NTM: variants seen among roughly 807,000 people sequenced by gnomAD.
The protein encoded by NTM is neurotrimin.
Under a neutral mutation model 42.1 loss-of-function variants are expected in NTM, and 13 were observed. The ratio of observed to expected loss-of-function variants is 0.31; its 90% CI spans 0.20 to 0.49. The LOEUF is 0.49. NTM is among the 20% of genes least tolerant of loss of function. NTM has a pLI of 0.99. For missense variants in NTM, 373 were observed against 452.8 expected (o/e 0.82, Z 1.60); for synonymous variants, 187 against 179.2 (o/e 1.04, Z -0.35).
chr11:131,616,778 G>GGTGTGTGT lies in NTM; in HGVS notation c.82+245917_82+245924dup, dbSNP rs59890572. Reference sequence around the variant, plus strand: ...TTTTACAAGCACACTGTCTTGAGGGGGTGTGTGTGTGTGTGTGTGTGTGTG... The same window carrying GGTGTGTGT: ...TTTTACAAGCACACTGTCTTGAGGGGGTGTGTGTGTGTGTGTGTGTGTGTGTGTGTGTG... On this transcript the variant is annotated intron_variant, in intron 1 of 8. Coordinates refer to ENST00000683400, the MANE Select transcript of NTM (RefSeq NM_001352005.2). Among the ~76,000 whole-genome samples, 445 of 141,974 alleles carry GGTGTGTGT rather than the reference G, an allele frequency of 3.1e-3. 2 individuals are homozygous for GGTGTGTGT. The highest frequency in any genetic ancestry group is 0.011 in the African/African-American group (416 of 37,360). 93.1% of individuals were successfully genotyped at this position (141,974 alleles called of 152,430 possible).
At chr11:132,051,558 T>C (rs2078854751) in intron 2 of NTM, among the ~76,000 whole-genome samples, 1 of 152,190 alleles carries the variant, frequency 6.6e-6, no homozygotes, top group South Asian at 2.1e-4. Context: ...CACTTAATAT[T>C]TTCCTGTGTC....
intron 1 of NTM, among the ~76,000 whole-genome samples, chr11:131,572,227 G>A (rs1221502601): frequency 2.0e-5 from 3 of 152,094 alleles, no homozygotes; most frequent in Non-Finnish European, 4.4e-5. Flanking sequence ...GGGAGGCCAC[G>A]GGGTCAGACC....
chr11:131,419,142 T>C (rs2135811590), intron 1 of NTM, among the ~76,000 whole-genome samples: 1 of 138,518 alleles, frequency 7.2e-6, no homozygotes, highest in South Asian at 2.4e-4. Flanking sequence ...TGAAGCTAAG[T>C]ATACCTTGGT....
intron 1 of NTM, among the ~76,000 whole-genome samples, chr11:131,398,485 T>C (rs1163921057): frequency 1.3e-5 from 2 of 152,228 alleles, no homozygotes; most frequent in Non-Finnish European, 2.9e-5. Context: ...TTTTTTTCTT[T>C]TAAGAATAGA....
intron 1 of NTM, among the ~76,000 whole-genome samples, chr11:131,464,369 G>T (rs900899757): frequency 2.7e-5 from 4 of 150,764 alleles, no homozygotes; most frequent in African/African-American, 7.4e-5. Context: ...TGGGGGGGGG[G>T]CAGCAACAAG....
At chr11:131,693,138 G>A (rs1284109043) in intron 1 of NTM, among the ~76,000 whole-genome samples, 1 of 152,122 alleles carries the variant, frequency 6.6e-6, no homozygotes, top group Non-Finnish European at 1.5e-5. Flanking sequence ...GGGCATGGGG[G>A]TCAGGGCAGA....
At chr11:131,975,042 A>G (rs1214327280) in intron 2 of NTM, among the ~76,000 whole-genome samples, 4 of 152,170 alleles carry the variant, frequency 2.6e-5, no homozygotes, top group African/African-American at 9.7e-5. Context: ...TTCTTAGTGG[A>G]GTTCTTCAGA....
At chr11:132,313,535 ATTGT>A (rs900034170) in intron 6 of NTM, among the ~76,000 whole-genome samples, 4 of 151,974 alleles carry the variant, frequency 2.6e-5, no homozygotes, top group African/African-American at 9.7e-5. Flanking sequence ...AGGATTACAG[ATTGT>A]TTGTTTCAGG....
chr11:131,587,374 G>A (rs2058965912), intron 1 of NTM, among the ~76,000 whole-genome samples: 1 of 151,946 alleles, frequency 6.6e-6, no homozygotes, highest in Non-Finnish European at 1.5e-5. Flanking sequence ...CATGAACCCA[G>A]GAGGTGGAGC....
intron 7 of NTM, among the ~76,000 whole-genome samples, chr11:132,325,046 A>T (rs1453421529): frequency 1.3e-5 from 2 of 151,288 alleles, no homozygotes; most frequent in Non-Finnish European, 3.0e-5. Flanking sequence ...CTTAAACGTT[A>T]GACCTAAAAC....
chr11:132,330,673 C>G (rs1489057224), intron 8 of NTM, among the ~76,000 whole-genome samples: 2 of 152,152 alleles, frequency 1.3e-5, no homozygotes, highest in Admixed American at 6.5e-5. Context: ...TAAAATGCAT[C>G]TTATTTGAAG....
At chr11:131,938,058 C>T (rs971736577) in intron 2 of NTM, among the ~76,000 whole-genome samples, 8 of 152,278 alleles carry the variant, frequency 5.3e-5, no homozygotes, top group East Asian at 3.9e-4. Context: ...TAACACGTAT[C>T]GGGTGCTTAC....
intron 2 of NTM, among the ~76,000 whole-genome samples, chr11:132,081,738 A>AT (rs2059087783): frequency 6.6e-6 from 1 of 150,694 alleles, no homozygotes; most frequent in African/African-American, 2.4e-5. Flanking sequence ...AAAAAAAAAA[A>AT]GATAGAAGCC....
chr11:132,222,306 C>G (rs928692674), intron 4 of NTM, among the ~76,000 whole-genome samples: 26 of 152,230 alleles, frequency 1.7e-4, no homozygotes, highest in Admixed American at 1.3e-4. Flanking sequence ...TCCCTCTGAC[C>G]TGACTTTTGT....
intron 1 of NTM, among the ~76,000 whole-genome samples, chr11:131,853,952 T>C (rs2045853177): frequency 1.3e-5 from 2 of 152,226 alleles, no homozygotes; most frequent in African/African-American, 4.8e-5. Context: ...AATAACGACA[T>C]ATTTATTTTT....
intron 1 of NTM, among the ~76,000 whole-genome samples, chr11:131,519,569 T>C (rs546756235): frequency 1.4e-4 from 20 of 147,170 alleles, no homozygotes; most frequent in African/African-American, 5.1e-4. Flanking sequence ...GGAGGCTGCA[T>C]CTTTAGTTTT....
chr11:131,503,988 A>T (rs1294562039), intron 1 of NTM, among the ~76,000 whole-genome samples: 1 of 152,190 alleles, frequency 6.6e-6, no homozygotes, highest in Non-Finnish European at 1.5e-5. Context: ...GGCGGGTCAG[A>T]GCATGAAGTC....
chr11:131,551,091 G>C (rs546391333), intron 1 of NTM, among the ~76,000 whole-genome samples: 1 of 152,236 alleles, frequency 6.6e-6, no homozygotes, highest in East Asian at 1.9e-4. Context: ...GGCTGGACTT[G>C]AGCTCCTAGG....
At chr11:132,148,459 C>A (rs2071086915) in intron 3 of NTM, among the ~76,000 whole-genome samples, 1 of 152,036 alleles carries the variant, frequency 6.6e-6, no homozygotes, top group African/African-American at 2.4e-5. Flanking sequence ...CTGCCCCAAC[C>A]CCTGCACACT....
Sources: gnomAD v4.1 joint callset for allele counts (sites outside exome capture counted in the v4.1 genomes callset) on GRCh38, gnomAD v4.1.1 for gene constraint, MANE v1.5 for transcripts, NCBI Gene and HGNC (gene_info 2026-07-23, HGNC 2026-07-21) for gene names.